ATAD2B: variants seen among roughly 807,000 people sequenced by gnomAD.
The protein encoded by ATAD2B is ATPase family AAA domain containing 2B, also known as ATPase family AAA domain-containing protein 2B.
Under a neutral mutation model 167.6 loss-of-function variants are expected in ATAD2B, and 40 were observed. That is an observed-to-expected ratio of 0.24 (90% CI 0.19 to 0.31). The LOEUF is 0.31. ATAD2B is among the 10% of genes least tolerant of loss of function. The probability of loss-of-function intolerance (pLI) is 1.00; values close to 1 mark genes in which losing one functional copy is unlikely to be tolerated. For synonymous variants in ATAD2B, 579 were observed against 596.5 expected, an observed-to-expected ratio of 0.97 and a Z score of 0.43; for missense variants, 1,242 against 1,757.2, an observed-to-expected ratio of 0.71 and a Z score of 5.24.
At chr2:23,781,760 TTTTTA>T (rs956810467) in intron 22 of ATAD2B, among the ~76,000 whole-genome samples, 29 of 152,126 alleles carry the variant, frequency 1.9e-4, no homozygotes, top group Middle Eastern at 3.4e-3. Flanking sequence ...TTGTCTTTCC[TTTTTA>T]TTTTGAGAAA....
chr2:23,684,957 G>C, the ATAD2B span, among the ~76,000 whole-genome samples: 2 of 152,198 alleles, frequency 1.3e-5, no homozygotes, highest in Non-Finnish European at 1.5e-5. The surrounding 1 kb of genome is among the most constrained non-coding windows in gnomAD (Gnocchi z 4.4). Context: ...CCCTGCTGTC[G>C]GTGGTGACTA....
At chr2:23,891,803 C>A (rs1459002393) in intron 2 of ATAD2B, among the ~76,000 whole-genome samples, 1 of 151,872 alleles carries the variant, frequency 6.6e-6, no homozygotes, top group Non-Finnish European at 1.5e-5. Context: ...GCACCTAACC[C>A]TGTTTCCTGA....
At chr2:23,903,252 A>G (rs1016445602) in intron 1 of ATAD2B, among the ~76,000 whole-genome samples, 2 of 151,602 alleles carry the variant, frequency 1.3e-5, no homozygotes, top group African/African-American at 4.8e-5. Context: ...AAATAAATAA[A>G]TAAATAAATA....
At position 23,810,445 on chromosome 2, in the gene ATAD2B, C is replaced by T; in HGVS notation, c.2325G>A (p.Arg775=). Residue 775 remains arginine (R), a synonymous_variant, in exon 18 of 28, where the codon CGG becomes CGA. Transcript: ENST00000238789. The part of the protein sequence containing the change: ...YRPRLLLSGE[R]GSGQTSHLAP... ...CAAGGTGAGAAGTTTGACCTGAGCC[C>T]CGTTCTCCAGAGAGCAATAAGCGTG... The T allele has an allele frequency of 1.9e-6, 3 of 1,613,798 alleles. No homozygotes were observed. The highest frequency in any genetic ancestry group is 2.2e-5 in the South Asian group (2 of 91,072).
At chr2:23,871,802 C>G (rs890014088) in intron 8 of ATAD2B, among the ~76,000 whole-genome samples, 1 of 152,194 alleles carries the variant, frequency 6.6e-6, no homozygotes, top group Non-Finnish European at 1.5e-5. Context: ...ACCTCCTACT[C>G]CTTCTCTACT....
At chr2:23,804,857 T>C (rs1185324226) in intron 18 of ATAD2B, among the ~76,000 whole-genome samples, 1 of 152,096 alleles carries the variant, frequency 6.6e-6, no homozygotes, top group Non-Finnish European at 1.5e-5. Context: ...ATATTTCTCT[T>C]GGCTGGGCAC....
chr2:23,681,779 C>T, the ATAD2B span, among the ~76,000 whole-genome samples: 1 of 152,158 alleles, frequency 6.6e-6, no homozygotes, highest in Non-Finnish European at 1.5e-5. This position sits in a 1 kb window ranked among gnomAD's most constrained non-coding sequence, Gnocchi z 4.2. Context: ...TCCCCTACCG[C>T]TTCACTCAAA....
chr2:23,884,840 G>T lies in ATAD2B; in HGVS notation c.709C>A (p.Arg237=), dbSNP rs539430000. The T allele has an allele frequency of 8.8e-6, 14 of 1,592,178 alleles. No homozygotes were observed. The East Asian group carries it at 2.3e-4, about 26-fold the overall frequency. Residue 237 remains arginine, a synonymous_variant, in exon 6 of 28, where the codon CGA becomes AGA. Coordinates refer to ENST00000238789, the MANE Select transcript of ATAD2B (RefSeq NM_017552.4). The stretch of plus-strand genomic sequence containing the variant: ...CTATTTCTTCTTAGTGACTTTCTTC[G>T]CCTTTTCACTCTTGAATACATATCC... ...NMDMYSRVKR[R]RKSLRRNSYG... is the part of the protein sequence containing the mutation.
chr2:23,687,746 T>TCGAAA, the ATAD2B span, among the ~76,000 whole-genome samples: 8 of 151,942 alleles, frequency 5.3e-5, no homozygotes, highest in Middle Eastern at 3.4e-3. Context: ...AAGAGCAAGG[T>TCGAAA]CGAAAGGCGG....
intron 16 of ATAD2B, among the ~76,000 whole-genome samples, 189 bp from the exon 17 acceptor site, chr2:23,820,071 C>T (rs915519151): frequency 1.3e-5 from 2 of 151,902 alleles, no homozygotes; most frequent in African/African-American, 4.8e-5. Flanking sequence ...AACACTTTCA[C>T]CTTTACAGAC....
chr2:23,888,450 A>T, intron 2 of ATAD2B, 51 bp from the exon 3 acceptor site: 1 of 1,175,238 alleles, frequency 8.5e-7, no homozygotes. Flanking sequence ...TTGCTTATAT[A>T]AGCAAGAAAT....
chr2:23,821,801 A>C lies in ATAD2B; in HGVS notation c.2131+1457T>G, dbSNP rs1019641648. Among the ~76,000 whole-genome samples the C allele has an allele frequency of 2.0e-5, 3 of 152,044 alleles. No individual in the cohort carries two copies. In the East Asian group the frequency reaches 5.8e-4, roughly 29 times the overall value. On this transcript the variant is annotated intron_variant, in intron 16 of 27. Transcript: ENST00000238789. ...TTTTCCTGTAAATGAGTGATGTTTT[A>C]AATTTTATTTATTTATTTTTGTTTT...
intron 18 of ATAD2B, among the ~76,000 whole-genome samples, chr2:23,800,440 A>T (rs1282125822): frequency 1.3e-5 from 2 of 152,272 alleles, no homozygotes; most frequent in African/African-American, 2.4e-5. Context: ...AGTATCAAAG[A>T]GGATGAGCAA....
rs116532567 is a variant in ATAD2B, at chr2:23,810,631, G to A, written c.2268-129C>T. The A allele has an allele frequency of 4.9e-4, 333 of 678,730 alleles. 2 individuals carry two copies. In the African/African-American group the frequency reaches 5.4e-3, roughly 11 times the overall value. 42.0% of individuals were successfully genotyped at this position (678,730 alleles called of 1,614,324 possible). On this transcript the variant is annotated intron_variant, in intron 17 of 27. Transcript: ENST00000238789. ...AACAGAACTTTCCTATATTATTTTAGTATAGTGACTTATTTTTTTATTAAT... is the reference window on the plus strand; with the variant it reads ...AACAGAACTTTCCTATATTATTTTAATATAGTGACTTATTTTTTTATTAAT...
chr2:23,701,232 T>G, the ATAD2B span, among the ~76,000 whole-genome samples: 3 of 109,148 alleles, frequency 2.7e-5, no homozygotes, highest in Admixed American at 9.5e-5. Context: ...CTCCTTCTGT[T>G]CTCCTGTCCT....
At chr2:23,862,980 C>T (rs1263492669) in intron 12 of ATAD2B, among the ~76,000 whole-genome samples, 1 of 152,140 alleles carries the variant, frequency 6.6e-6, no homozygotes, top group Non-Finnish European at 1.5e-5. Flanking sequence ...GATTACTAAT[C>T]CTGAATATAA....
At chr2:23,821,644 A>G (rs1056754801) in intron 16 of ATAD2B, among the ~76,000 whole-genome samples, 7 of 152,134 alleles carry the variant, frequency 4.6e-5, no homozygotes, top group African/African-American at 1.7e-4. Context: ...ATAATTTTCT[A>G]TTTGGTGCAG....
chr2:23,788,608 A>G lies in ATAD2B; in HGVS notation c.2680T>C (p.Tyr894His), dbSNP rs1272854598. The change falls in exon 20 of 28, where the codon TAT becomes CAT. Residue 894 changes from tyrosine (Y) to histidine (H), a missense_variant. Coordinates refer to ENST00000238789, the MANE Select transcript of ATAD2B (RefSeq NM_017552.4). ...IFRIQYEEVL[Y>H]IQRPIEEDRR... ...TCTTCTTCAATAGGCCTTTGAATAT[A>G]CAAGACCTCTTCATACTGTATTCTA... 15 of 1,602,752 alleles carry G rather than the reference A, an allele frequency of 9.4e-6. No homozygotes were observed. Among genetic ancestry groups the G allele is most frequent in the Non-Finnish European group, 1.3e-5 (15 of 1,170,168 alleles).
At chr2:23,787,510 A>C (rs1347797543) in intron 20 of ATAD2B, among the ~76,000 whole-genome samples, 2 of 152,054 alleles carry the variant, frequency 1.3e-5, no homozygotes, top group Non-Finnish European at 2.9e-5. Context: ...AGGTTTTGGG[A>C]GGGAAAAAAC....
Sources: allele counts gnomAD v4.1 joint callset (sites outside exome capture counted in the v4.1 genomes callset), GRCh38; gene constraint gnomAD v4.1.1; non-coding constraint Gnocchi (gnomAD v3.1); transcripts MANE v1.5; gene names NCBI Gene and HGNC (gene_info 2026-07-23, HGNC 2026-07-21).